Variants in DLGAP2 observed in about 807,000 individuals in gnomAD.
DLGAP2 encodes the protein DLG associated protein 2, also known as disks large-associated protein 2.
In DLGAP2, 26 loss-of-function variants were observed where a neutral mutation model predicts 100.3. That is an observed-to-expected ratio of 0.26 (90% CI 0.19 to 0.36). The LOEUF is 0.36. Ranked by LOEUF, DLGAP2 falls within the 10% of genes least tolerant of loss-of-function variation. The probability of loss-of-function intolerance (pLI) is 1.00; values close to 1 mark genes in which losing one functional copy is unlikely to be tolerated. For synonymous variants in DLGAP2, 886 were observed against 630.1 expected, an observed-to-expected ratio of 1.41 and a Z score of -6.08; for missense variants, 1,858 against 1,453.2, an observed-to-expected ratio of 1.28 and a Z score of -4.53.
At chr8:748,240 G>A (rs995870428) in intron 1 of DLGAP2, among the ~76,000 whole-genome samples, 3 of 149,184 alleles carry the variant, frequency 2.0e-5, no homozygotes, top group African/African-American at 4.9e-5. Flanking sequence ...TGGGATGGGC[G>A]GGTCTGCGGT....
chr8:1,011,222 G>C (rs991445886), intron 2 of DLGAP2, among the ~76,000 whole-genome samples: 1 of 150,334 alleles, frequency 6.7e-6, no homozygotes, highest in Non-Finnish European at 1.5e-5. Flanking sequence ...GTGAGCCCTG[G>C]AATGAGGGGT....
intron 6 of DLGAP2, 40 bp downstream of exon 6, chr8:1,565,934 C>A (rs1397756705): frequency 2.0e-6 from 3 of 1,519,582 alleles, no homozygotes; most frequent in East Asian, 4.9e-5. Flanking sequence ...AAGCACTTTC[C>A]CACTGCCTGC....
At chr8:1,097,824 CG>C (rs1053495285) in intron 2 of DLGAP2, among the ~76,000 whole-genome samples, 2 of 123,010 alleles carry the variant, frequency 1.6e-5, no homozygotes, top group Non-Finnish European at 3.4e-5. Flanking sequence ...TCAGGAGAGT[CG>C]AGCTGGCAGC....
chr8:1,557,358 G>C (rs1032603980), intron 5 of DLGAP2, among the ~76,000 whole-genome samples: 1 of 152,134 alleles, frequency 6.6e-6, no homozygotes, highest in African/African-American at 2.4e-5. Context: ...TCAGGGTCCC[G>C]GAAAGAGCCC....
intron 2 of DLGAP2, among the ~76,000 whole-genome samples, chr8:1,191,242 G>A (rs1036480380): frequency 1.8e-5 from 1 of 56,496 alleles, no homozygotes; most frequent in South Asian, 5.6e-4. Context: ...CGCGATCTCG[G>A]CTCACTGCAG....
chr8:1,345,061 A>T (rs376569783), intron 3 of DLGAP2, among the ~76,000 whole-genome samples: 1 of 152,224 alleles, frequency 6.6e-6, no homozygotes, highest in Non-Finnish European at 1.5e-5. Context: ...AAGCTCAGTT[A>T]TCTGGCCCTT....
At chr8:1,682,721 C>T (rs554998311) in intron 12 of DLGAP2, among the ~76,000 whole-genome samples, 2 of 151,366 alleles carry the variant, frequency 1.3e-5, no homozygotes, top group African/African-American at 2.4e-5. Context: ...TGATCTGCCC[C>T]CCTTGCCCTT....
At chr8:1,640,946 C>G (rs981321659) in intron 8 of DLGAP2, among the ~76,000 whole-genome samples, 9 of 152,316 alleles carry the variant, frequency 5.9e-5, no homozygotes, top group Non-Finnish European at 1.0e-4. Flanking sequence ...TGGATGAAAG[C>G]CGGTTGGCCC....
chr8:1,380,582 T>C (rs1177795883), intron 3 of DLGAP2, among the ~76,000 whole-genome samples: 1 of 152,150 alleles, frequency 6.6e-6, no homozygotes, highest in Non-Finnish European at 1.5e-5. Flanking sequence ...CGACGTGAAT[T>C]AAAGTCCACA....
intron 2 of DLGAP2, among the ~76,000 whole-genome samples, chr8:1,095,102 G>A (rs937224059): frequency 1.4e-5 from 2 of 140,864 alleles, no homozygotes; most frequent in African/African-American, 5.3e-5. Flanking sequence ...TGGGGCAGCA[G>A]CCTGCGCTGG....
At chr8:749,320 C>T (rs1820732680) in intron 1 of DLGAP2, among the ~76,000 whole-genome samples, 1 of 152,180 alleles carries the variant, frequency 6.6e-6, no homozygotes, top group Non-Finnish European at 1.5e-5. Flanking sequence ...GTCTTTTTAT[C>T]TGCTAAGTAT....
chr8:1,360,848 G>C (rs780293563), intron 3 of DLGAP2, among the ~76,000 whole-genome samples: 3 of 152,208 alleles, frequency 2.0e-5, no homozygotes, highest in Admixed American at 6.5e-5. Flanking sequence ...GTCTGCACAC[G>C]ACGGTGAGAT....
intron 2 of DLGAP2, among the ~76,000 whole-genome samples, chr8:1,078,910 G>C (rs945834173): frequency 6.6e-6 from 1 of 152,170 alleles, no homozygotes; most frequent in Non-Finnish European, 1.5e-5. Context: ...ACTCATCCAG[G>C]TAAATAGCAA....
intron 2 of DLGAP2, among the ~76,000 whole-genome samples, chr8:1,254,163 C>T (rs1364811377): frequency 6.6e-6 from 1 of 152,178 alleles, no homozygotes; most frequent in South Asian, 2.1e-4. Context: ...TCACAGATCC[C>T]ACCCTTGCAG....
At chr8:1,601,311 C>A (rs1015701183) in intron 6 of DLGAP2, among the ~76,000 whole-genome samples, 1 of 152,206 alleles carries the variant, frequency 6.6e-6, no homozygotes, top group African/African-American at 2.4e-5. Flanking sequence ...GTCTGTTGAT[C>A]CCTGCTGGGA....
intron 2 of DLGAP2, among the ~76,000 whole-genome samples, chr8:1,205,756 G>A (rs1797976317): frequency 6.6e-6 from 1 of 152,186 alleles, no homozygotes; most frequent in East Asian, 1.9e-4. Flanking sequence ...ATGGGGGCGG[G>A]AGACATGGCT....
rs551190246 is a variant in DLGAP2 at position 826,540 on chromosome 8, C to T, written c.19-81372C>T. On this transcript the variant is annotated intron_variant, in intron 1 of 14. Coordinates refer to ENST00000637795, the MANE Select transcript of DLGAP2 (RefSeq NM_001346810.2). Reference sequence around the variant, plus strand: ...ACAGAATTTCCCTGTGAATTTTCACCTTTTTGGGTGCTGGGTATTTTGTGT... The same window carrying T: ...ACAGAATTTCCCTGTGAATTTTCACTTTTTTGGGTGCTGGGTATTTTGTGT... 6.6e-5 allele frequency among the ~76,000 whole-genome samples: 10 copies of T among 152,140 alleles called. No homozygotes were observed. In the South Asian group the frequency reaches 2.1e-3, roughly 32 times the overall value.
Position 1,701,189 on chromosome 8 carries a change from A to G in DLGAP2, c.2951A>G (p.Glu984Gly), listed in dbSNP as rs1799556613. 1.9e-6 allele frequency: 3 copies of G among 1,557,418 alleles called. No homozygotes were observed. The highest frequency in any genetic ancestry group is 2.6e-6 in the Non-Finnish European group (3 of 1,151,910). ...ACGGTGACTTGCGCTGCTTTTCAGG[A>G]AGAAAGAAAGGTCCCGCCTCCAATA... ...WKMMESPERK[E>G]ERKVPPPIPK... Residue 984 changes from glutamate to glycine, a missense_variant and splice_region_variant, in exon 15 of 15, where the codon GAA (glutamate) becomes GGA (glycine). By Grantham distance (98) the Glu-to-Gly change is moderately conservative. Transcript: ENST00000637795.
At chr8:1,072,585 C>T (rs1803468659) in intron 2 of DLGAP2, among the ~76,000 whole-genome samples, 2 of 152,118 alleles carry the variant, frequency 1.3e-5, no homozygotes, top group South Asian at 2.1e-4. Context: ...GTGGCTGTTC[C>T]CGAGAGCATT....
Sources: gnomAD v4.1 joint callset for allele counts (sites outside exome capture counted in the v4.1 genomes callset) on GRCh38, gnomAD v4.1.1 for gene constraint, MANE v1.5 for transcripts, NCBI Gene and HGNC (gene_info 2026-07-23, HGNC 2026-07-21) for gene names.